SLC16A12: variants seen among roughly 807,000 people sequenced by gnomAD.
SLC16A12 encodes solute carrier family 16 member 12.
A neutral mutation model predicts 42.4 loss-of-function variants in SLC16A12; 17 were observed. That is an observed-to-expected ratio of 0.40 (90% CI 0.27 to 0.60). SLC16A12 has a LOEUF of 0.60. Among genes scored for constraint, SLC16A12 ranks in the 20% least tolerant of loss-of-function variants. SLC16A12 has a pLI of 0.42. For synonymous variants in SLC16A12, 224 were observed against 229.4 expected (o/e 0.98, Z 0.21); for missense variants, 544 against 623.0 (o/e 0.87, Z 1.35).
At chr10:89,456,664 C>T (rs1050010254) in intron 3 of SLC16A12, among the ~76,000 whole-genome samples, 1 of 152,074 alleles carries the variant, frequency 6.6e-6, no homozygotes, top group Admixed American at 6.6e-5. Flanking sequence ...TTAAGCCCAG[C>T]ATGCATTAGC....
intron 2 of SLC16A12, among the ~76,000 whole-genome samples, chr10:89,486,170 G>C (rs898357572): frequency 7.9e-5 from 12 of 152,058 alleles, no homozygotes; most frequent in African/African-American, 2.9e-4. Flanking sequence ...AAGATGACCC[G>C]TGTCTTGCAG....
intron 2 of SLC16A12, among the ~76,000 whole-genome samples, chr10:89,496,680 G>C (rs1842926077): frequency 6.6e-6 from 1 of 152,094 alleles, no homozygotes; most frequent in Non-Finnish European, 1.5e-5. Context: ...AAGCTTTAAG[G>C]AGCTAACATC....
intron 2 of SLC16A12, among the ~76,000 whole-genome samples, chr10:89,550,564 C>T (rs1843764791): frequency 6.6e-6 from 1 of 152,168 alleles, no homozygotes; most frequent in East Asian, 1.9e-4. Context: ...GACCATATTG[C>T]TTTGCAGCTT....
intron 2 of SLC16A12, among the ~76,000 whole-genome samples, chr10:89,519,841 G>A (rs999490018): frequency 6.6e-6 from 1 of 152,156 alleles, no homozygotes; most frequent in Non-Finnish European, 1.5e-5. Flanking sequence ...AAGGCCGGGT[G>A]CGGTGGCTCA....
chr10:89,552,910 C>T (rs1843780058), intron 2 of SLC16A12, among the ~76,000 whole-genome samples: 1 of 152,152 alleles, frequency 6.6e-6, no homozygotes, highest in Non-Finnish European at 1.5e-5. Context: ...TTTTTATTCC[C>T]AAGTTCCAAA....
At chr10:89,446,458 T>A (rs981043942) in intron 3 of SLC16A12, among the ~76,000 whole-genome samples, 1 of 152,208 alleles carries the variant, frequency 6.6e-6, no homozygotes, top group African/African-American at 2.4e-5. Flanking sequence ...ATATTCAACA[T>A]TCTTAAAGAA....
upstream of SLC16A12, among the ~76,000 whole-genome samples, chr10:89,538,321 C>T (rs367918521): frequency 2.2e-4 from 33 of 152,280 alleles, 1 homozygote; most frequent in African/African-American, 7.9e-4. Flanking sequence ...ACAGTCCCAA[C>T]ACGGCTATAA....
At chr10:89,513,495 A>G (rs1843195773) in intron 2 of SLC16A12, among the ~76,000 whole-genome samples, 1 of 152,194 alleles carries the variant, frequency 6.6e-6, no homozygotes, top group Admixed American at 6.5e-5. Context: ...CTAAAATTAG[A>G]GAATATCATA....
chr10:89,480,676 A>G (rs1305274640), intron 2 of SLC16A12, among the ~76,000 whole-genome samples: 1 of 152,238 alleles, frequency 6.6e-6, no homozygotes, highest in Non-Finnish European at 1.5e-5. Flanking sequence ...TAGCTTAATC[A>G]TCACTAAAAG....
Position 89,438,823 on chromosome 10 carries a change from C to T in SLC16A12, c.809G>A (p.Cys270Tyr), listed in dbSNP as rs771661177. Reference sequence around the variant, plus strand: ...TAAAAAACTGTACTCTTGCTGCAAACAGCAACAGAGGCAAGTCTGTGCCCA... The same window carrying T: ...TAAAAAACTGTACTCTTGCTGCAAATAGCAACAGAGGCAAGTCTGTGCCCA... ...KEWAQTCLCCCLQQEYSFLLM... is the reference protein window; with the variant it reads ...KEWAQTCLCCYLQQEYSFLLM... The change falls in exon 6 of 8, where the codon TGT (cysteine) becomes TAT (tyrosine). Residue 270 changes from cysteine (C) to tyrosine (Y), a missense_variant. By Grantham distance (194) the Cys-to-Tyr change is radical. Coordinates refer to ENST00000371790, the MANE Select transcript of SLC16A12 (RefSeq NM_213606.4). The T allele has an allele frequency of 1.9e-6, 3 of 1,614,070 alleles. No homozygotes were observed. The highest frequency in any genetic ancestry group is 3.3e-5 in the Admixed American group (2 of 59,988).
chr10:89,436,872 GAAAGAAAGAAA>G (rs1564567499), intron 6 of SLC16A12, among the ~76,000 whole-genome samples: 1 of 80,860 alleles, frequency 1.2e-5, no homozygotes. Flanking sequence ...TAAAGAAAAA[GAAAGAAAGAAA>G]GAAAGAAAGA....
intron 2 of SLC16A12, among the ~76,000 whole-genome samples, chr10:89,508,377 T>C (rs978770320): frequency 2.4e-4 from 37 of 152,162 alleles, no homozygotes; most frequent in African/African-American, 8.2e-4. Context: ...AATAAACTGT[T>C]TCTCAGACCA....
At chr10:89,495,792 C>CT (rs1206564456) in intron 2 of SLC16A12, among the ~76,000 whole-genome samples, 1 of 152,204 alleles carries the variant, frequency 6.6e-6, no homozygotes, top group African/African-American at 2.4e-5. Flanking sequence ...AGAGCTGTGG[C>CT]TTGCTGCCTC....
At chr10:89,546,761 T>C (rs1843744430) in intron 2 of SLC16A12, among the ~76,000 whole-genome samples, 1 of 152,180 alleles carries the variant, frequency 6.6e-6, no homozygotes, top group Non-Finnish European at 1.5e-5. Context: ...CTATTTACAA[T>C]AGCAAAGACA....
At chr10:89,439,204 A>C (rs772380355) in intron 5 of SLC16A12, 21 bp from the exon 6 acceptor site, 1 of 1,607,228 alleles carries the variant, frequency 6.2e-7, no homozygotes, top group Non-Finnish European at 8.5e-7. Flanking sequence ...AGAGAACTCT[A>C]TGAGTGCTGA....
In SLC16A12 at chr10:89,438,967, G is replaced by C. The variant is rs766610051; in HGVS notation, c.665C>G (p.Ala222Gly). ...GFVLNLCVCG[A>G]LMRPITLKED... The stretch of plus-strand genomic sequence containing the variant: ...TTTAAGAGTAATTGGCCTCATCAAG[G>C]CACCACATACACAGAGATTCAAGAC... The change falls in exon 6 of 8, where the codon GCC becomes GGC. Residue 222 changes from alanine to glycine, a missense_variant. Ala to Gly is a moderately conservative substitution (Grantham distance 60, BLOSUM62 0). Coordinates refer to ENST00000371790, the MANE Select transcript of SLC16A12 (RefSeq NM_213606.4). 6.2e-7 allele frequency: 1 copy of C among 1,614,142 alleles called. No homozygotes were observed. Among genetic ancestry groups the C allele is most frequent in the Non-Finnish European group, 8.5e-7 (1 of 1,180,034 alleles).
chr10:89,472,840 C>T (rs760336994), intron 2 of SLC16A12, among the ~76,000 whole-genome samples: 7 of 151,596 alleles, frequency 4.6e-5, no homozygotes, highest in Non-Finnish European at 8.8e-5. Context: ...TTTCTTGAGA[C>T]AGGATCTCAC....
Position 89,457,634 on chromosome 10 carries a change from T to C in SLC16A12, c.200+4745A>G, listed in dbSNP as rs1049077625. 2.1e-4 allele frequency among the ~76,000 whole-genome samples: 32 copies of C among 151,944 alleles called. 1 individual carries two copies. The highest frequency in any genetic ancestry group is 7.0e-4 in the African/African-American group (29 of 41,200). On this transcript the variant is annotated intron_variant, in intron 3 of 7. Transcript: ENST00000371790. Reference sequence around the variant, plus strand: ...GTGATTCTTTTTTTTATAATCTTTATTGAATATTTTTATGTACAACCAGTT... The same window carrying C: ...GTGATTCTTTTTTTTATAATCTTTACTGAATATTTTTATGTACAACCAGTT...
At chr10:89,475,741 A>G (rs1301436925) in intron 2 of SLC16A12, among the ~76,000 whole-genome samples, 5 of 152,210 alleles carry the variant, frequency 3.3e-5, no homozygotes, top group Non-Finnish European at 5.9e-5. Context: ...AAGCCTCTAC[A>G]TTGTGTGTGA....
Sources: gnomAD v4.1 joint callset for allele counts (sites outside exome capture counted in the v4.1 genomes callset) on GRCh38, gnomAD v4.1.1 for gene constraint, MANE v1.5 for transcripts, NCBI Gene and HGNC (gene_info 2026-07-23, HGNC 2026-07-21) for gene names.